The following KCNQ1 variants were observed in gnomAD, a reference collection of about 807,000 sequenced individuals.
The protein encoded by KCNQ1 is potassium voltage-gated channel subfamily KQT member 1.
A neutral mutation model predicts 72.4 loss-of-function variants in KCNQ1; 49 were observed. The ratio of observed to expected loss-of-function variants is 0.68; its 90% confidence interval spans 0.54 to 0.86. The LOEUF (loss-of-function observed/expected upper bound fraction) is 0.86. Among genes scored for constraint, KCNQ1 ranks in the 40% least tolerant of loss-of-function variants. KCNQ1 has a pLI of 0.00. For synonymous variants in KCNQ1, 450 were observed against 412.6 expected, an observed-to-expected ratio of 1.09 and a Z score of -1.10; for missense variants, 790 against 945.1, an observed-to-expected ratio of 0.84 and a Z score of 2.15.
intron 11 of KCNQ1, among the ~76,000 whole-genome samples, chr11:2,754,408 T>G (rs1010377179): frequency 6.6e-6 from 1 of 152,184 alleles, no homozygotes; most frequent in Non-Finnish European, 1.5e-5. Flanking sequence ...TTTCTATGGC[T>G]GAATAAAGAA....
intron 1 of KCNQ1, among the ~76,000 whole-genome samples, chr11:2,460,010 C>T (rs1053757637): frequency 8.5e-5 from 13 of 152,206 alleles, no homozygotes; most frequent in Admixed American, 2.0e-4. Flanking sequence ...GCTCCAGAGC[C>T]GCACCCCAGT....
intron 15 of KCNQ1, among the ~76,000 whole-genome samples, chr11:2,819,697 G>A (rs1847693316): frequency 6.6e-6 from 1 of 152,164 alleles, no homozygotes; most frequent in Non-Finnish European, 1.5e-5. Flanking sequence ...GGGATGGATG[G>A]GATGGATGTC....
At chr11:2,655,639 G>A in intron 10 of KCNQ1, 1 of 398,718 alleles carries the variant, frequency 2.5e-6, no homozygotes, top group Non-Finnish European at 4.4e-6. Context: ...TGGCCTGAAA[G>A]AGGCAGCACC....
intron 15 of KCNQ1, among the ~76,000 whole-genome samples, chr11:2,829,343 A>T (rs1333474809): frequency 6.6e-6 from 1 of 152,254 alleles, no homozygotes; most frequent in East Asian, 1.9e-4. Flanking sequence ...ATAGACTGCC[A>T]GTATTCTCAA....
intron 1 of KCNQ1, among the ~76,000 whole-genome samples, chr11:2,520,137 C>T (rs1847356897): frequency 6.6e-6 from 1 of 152,210 alleles, no homozygotes; most frequent in Non-Finnish European, 1.5e-5. Context: ...TGGAGTCGGC[C>T]AGTCTGGGCA....
rs369696917 is a variant in KCNQ1 at position 2,651,869 on chromosome 11, T to G, written c.1394-10092T>G. ...GCCACCACATCTTTTCTTGAAGTAG[T>G]GTTCAGGCTGAGGGGGTCATAGCCG... On this transcript the variant is annotated intron_variant, in intron 10 of 15. Coordinates refer to ENST00000155840, the MANE Select transcript of KCNQ1 (RefSeq NM_000218.3). The surrounding 1 kb of genome is among the most constrained non-coding windows in gnomAD (Gnocchi z 6.1). 8.5e-5 allele frequency: 34 copies of G among 398,654 alleles called. 1 individual carries two copies. In the South Asian group the frequency reaches 3.8e-3, roughly 45 times the overall value. The allele number at this position is 398,654 out of a possible 1,614,324, so 24.7% of individuals were successfully genotyped here.
In KCNQ1 at chr11:2,700,007, C is replaced by T. The variant is rs533368827; in HGVS notation, c.1514+37926C>T. 2.0e-4 allele frequency: 78 copies of T among 398,212 alleles called. No individual in the cohort carries two copies. In the East Asian group the frequency reaches 2.4e-3, roughly 12 times the overall value. The allele number at this position is 398,212 out of a possible 1,614,324, so 24.7% of individuals were successfully genotyped here. A position where few individuals can be genotyped will look rare whatever the true frequency, so the allele number is the denominator to read the frequency against. On this transcript the variant is annotated intron_variant, in intron 11 of 15. Coordinates refer to ENST00000155840, the MANE Select transcript of KCNQ1 (RefSeq NM_000218.3). ...CGGCGACCGTTCTGCCTGGAGACTG[C>T]GGCAGCGCTCCGACTGCCCCCGCCG...
intron 2 of KCNQ1, among the ~76,000 whole-genome samples, chr11:2,560,809 G>A (rs897416114): frequency 3.3e-5 from 5 of 152,056 alleles, no homozygotes; most frequent in African/African-American, 7.2e-5. Context: ...ACTTTAGGGC[G>A]CTCTGGGTGG....
intron 11 of KCNQ1, among the ~76,000 whole-genome samples, chr11:2,749,257 C>T (rs1053284373): frequency 3.3e-5 from 5 of 152,058 alleles, no homozygotes; most frequent in African/African-American, 1.2e-4. Flanking sequence ...TCTGCCAGGG[C>T]TCTGCAGGGA....
At chr11:2,689,061 C>T (rs2133889783) in intron 11 of KCNQ1, 1 of 398,878 alleles carries the variant, frequency 2.5e-6, no homozygotes, top group East Asian at 3.6e-5. Flanking sequence ...GTTACCTCCT[C>T]CTCCCCGGTG....
chr11:2,619,380 A>G, intron 10 of KCNQ1: 1 of 398,562 alleles, frequency 2.5e-6, no homozygotes, highest in Non-Finnish European at 4.4e-6. Flanking sequence ...ATTTATCAAC[A>G]AAGGATGTTC....
At position 2,777,019 on chromosome 11, in the gene KCNQ1, C is replaced by A. The variant is rs199472810; in HGVS notation, c.1719C>A (p.Phe573Leu). Residue 573 changes from phenylalanine to leucine, a missense_variant, in exon 14 of 16, where the codon TTC (phenylalanine) becomes TTA (leucine). By Grantham distance (22) the Phe-to-Leu change is conservative. Transcript: ENST00000155840. The part of the protein sequence containing the change: ...LDQSIGKPSL[F>L]ISVSEKSKDR... ...AGTCCATTGGGAAGCCCTCACTGTTCATCTCCGTCTCAGGTGGGTTTCTGT... is the reference window on the plus strand; with the variant it reads ...AGTCCATTGGGAAGCCCTCACTGTTAATCTCCGTCTCAGGTGGGTTTCTGT... 6.2e-7 allele frequency: 1 copy of A among 1,614,128 alleles called. No homozygotes were observed.
intron 1 of KCNQ1, among the ~76,000 whole-genome samples, chr11:2,480,603 T>C (rs1184812132): frequency 3.9e-5 from 6 of 152,176 alleles, no homozygotes; most frequent in African/African-American, 1.4e-4. Context: ...GAGCTACAGT[T>C]CAAGATGAGA....
rs1241138359 is a variant in KCNQ1 at position 2,549,884 on chromosome 11, T to A, written c.478-20744T>A. ...TCCCTGGCTTTTCCTTCTGCACCAC[T>A]CAATCTGGGGGTTCCGGCTCCTTGC... On this transcript the variant is annotated intron_variant, in intron 2 of 15. Coordinates refer to ENST00000155840, the MANE Select transcript of KCNQ1 (RefSeq NM_000218.3). The surrounding 1 kb of genome is among the most constrained non-coding windows in gnomAD (Gnocchi z 6.2). Among the ~76,000 whole-genome samples, 2 of 152,064 alleles carry A rather than the reference T, an allele frequency of 1.3e-5. No homozygotes were observed. Among genetic ancestry groups the A allele is most frequent in the Non-Finnish European group, 2.9e-5 (2 of 67,994 alleles).
chr11:2,485,133 C>T (rs149927562), intron 1 of KCNQ1, among the ~76,000 whole-genome samples: 2,885 of 152,290 alleles, frequency 0.019, 42 homozygotes, highest in South Asian at 0.053. Flanking sequence ...TACTTCTGTA[C>T]TCCCTTCAGT....
chr11:2,465,034 G>A (rs138561296), intron 1 of KCNQ1, among the ~76,000 whole-genome samples: 2,360 of 152,322 alleles, frequency 0.015, 35 homozygotes, highest in South Asian at 0.054. Context: ...TCCCCCATCT[G>A]TAAAATGGGT....
chr11:2,569,964 A>G (rs1848303224), intron 2 of KCNQ1, among the ~76,000 whole-genome samples: 1 of 152,194 alleles, frequency 6.6e-6, no homozygotes, highest in Non-Finnish European at 1.5e-5. Context: ...TGGAGGGGCC[A>G]GGTGACTCCC....
intron 11 of KCNQ1, among the ~76,000 whole-genome samples, chr11:2,733,748 C>T (rs899042417): frequency 2.1e-5 from 3 of 145,942 alleles, no homozygotes; most frequent in Non-Finnish European, 4.5e-5. Flanking sequence ...AGGGGTCTAG[C>T]GGGCAGGAGG....
intron 15 of KCNQ1, among the ~76,000 whole-genome samples, chr11:2,792,746 C>T (rs1038556546): frequency 7.2e-5 from 11 of 152,196 alleles, no homozygotes; most frequent in Admixed American, 4.6e-4. Context: ...CCTGTGAGGC[C>T]TCAATTAGAG....
Sources: gnomAD v4.1 joint callset for allele counts (sites outside exome capture counted in the v4.1 genomes callset) on GRCh38, gnomAD v4.1.1 for gene constraint, Gnocchi (gnomAD v3.1) non-coding constraint, MANE v1.5 for transcripts, NCBI Gene and HGNC (gene_info 2026-07-23, HGNC 2026-07-21) for gene names.